The following PARK7 variants were observed in gnomAD, a reference collection of about 807,000 sequenced individuals.
The protein encoded by PARK7 is Parkinson disease protein 7.
In PARK7, 14 loss-of-function variants were observed where a neutral mutation model predicts 20.5. The ratio of observed to expected loss-of-function variants is 0.68; its 90% confidence interval spans 0.45 to 1.07. The LOEUF (loss-of-function observed/expected upper bound fraction) is 1.07. PARK7 is among the 50% of genes least tolerant of loss of function. PARK7 has a pLI of 0.00. For synonymous variants in PARK7, 98 were observed against 84.3 expected (o/e 1.16, Z -0.89); for missense variants, 234 against 238.1 (o/e 0.98, Z 0.11).
intron 5 of PARK7, among the ~76,000 whole-genome samples, chr1:7,973,511 C>T (rs1231955195): frequency 2.0e-5 from 3 of 152,154 alleles, no homozygotes; most frequent in Non-Finnish European, 4.4e-5. Context: ...GTCAGGAGTT[C>T]GAAACCAGCC....
chr1:7,983,527 C>G (rs1640754971), intron 6 of PARK7, among the ~76,000 whole-genome samples: 1 of 152,252 alleles, frequency 6.6e-6, no homozygotes, highest in African/African-American at 2.4e-5. Flanking sequence ...AGAGCAGGTT[C>G]CTTTCCATCT....
chr1:7,968,922 T>TTCTCCC (rs778067268), intron 3 of PARK7, among the ~76,000 whole-genome samples: 49 of 152,334 alleles, frequency 3.2e-4, no homozygotes, highest in Non-Finnish European at 6.2e-4. Flanking sequence ...CCTGTTCTCA[T>TTCTCCC]TCTCCCTCTG....
intron 5 of PARK7, among the ~76,000 whole-genome samples, chr1:7,974,384 C>T (rs899491274): frequency 1.3e-5 from 2 of 151,918 alleles, no homozygotes; most frequent in African/African-American, 2.4e-5. Flanking sequence ...AATCCCAGCA[C>T]TTTGGGAGGC....
chr1:7,979,151 G>A (rs568267321), intron 6 of PARK7, among the ~76,000 whole-genome samples: 6 of 152,254 alleles, frequency 3.9e-5, no homozygotes, highest in African/African-American at 1.2e-4. Flanking sequence ...ATGCCATAAT[G>A]ATCATCCTTG....
rs1193477280 is a variant in PARK7, at chr1:7,978,086, T to C, written c.409+348T>C. Among the ~76,000 whole-genome samples the C allele has an allele frequency of 2.2e-5, 3 of 134,406 alleles. No homozygotes were observed. In the East Asian group the frequency reaches 7.3e-4, roughly 33 times the overall value. 88.2% of individuals were successfully genotyped at this position (134,406 alleles called of 152,430 possible). On this transcript the variant is annotated intron_variant, in intron 6 of 6. Transcript: ENST00000338639. ...TTCTCTGCTCACTGCAACTTCCGCC[T>C]CCCGGGTTCAAGTGATTCTTCTGCC...
At chr1:7,969,445 G>T in intron 4 of PARK7, 41 bp downstream of exon 4, 6 of 987,288 alleles carry the variant, frequency 6.1e-6, no homozygotes, top group South Asian at 5.2e-5. Context: ...AAAGCTGGGG[G>T]GGGGGAAAAA....
At chr1:7,966,696 A>G (rs1444157546) in intron 3 of PARK7, among the ~76,000 whole-genome samples, 2 of 152,104 alleles carry the variant, frequency 1.3e-5, no homozygotes, top group Non-Finnish European at 2.9e-5. Flanking sequence ...AGCCTGGGTG[A>G]CAGAGCGAGA....
intron 6 of PARK7, among the ~76,000 whole-genome samples, chr1:7,983,271 G>A (rs74053413): frequency 0.02 from 2,986 of 152,318 alleles, 97 homozygotes; most frequent in African/African-American, 0.068. Context: ...AGAGCCACCC[G>A]CCTGCCTGCG....
intron 3 of PARK7, among the ~76,000 whole-genome samples, chr1:7,968,870 T>G (rs34124834): frequency 0.13 from 19,336 of 152,198 alleles, 1,586 homozygotes; most frequent in Non-Finnish European, 0.16. Context: ...TGAACAATAA[T>G]TCAAACAATA....
chr1:7,985,265 A>C lies in PARK7; in HGVS notation c.*211A>C, dbSNP rs746552212. 55 of 620,738 alleles carry C rather than the reference A, an allele frequency of 8.9e-5. No homozygotes were observed. The highest frequency in any genetic ancestry group is 1.4e-4 in the Non-Finnish European group (52 of 361,578). 38.5% of individuals were successfully genotyped at this position (620,738 alleles called of 1,614,324 possible). A position where few individuals can be genotyped will look rare whatever the true frequency, so the allele number is the denominator to read the frequency against. On this transcript the variant is annotated 3_prime_UTR_variant, in exon 7 of 7. Coordinates refer to ENST00000338639, the MANE Select transcript of PARK7 (RefSeq NM_007262.5). Reference sequence around the variant, plus strand: ...TCTAAGCCTTGTTTGCAGAATAAACAGGGCATTTAGCAAACTACTGATTGT... The same window carrying C: ...TCTAAGCCTTGTTTGCAGAATAAACCGGGCATTTAGCAAACTACTGATTGT...
At position 7,985,296 on chromosome 1, in the gene PARK7, G is replaced by T; in HGVS notation, c.*242G>T. ...TTTAGCAAACTACTGATTGTTTCTT[G>T]TTTTGTCTCTCATTTCTTTTGTGAA... On this transcript the variant is annotated 3_prime_UTR_variant, in exon 7 of 7. Transcript: ENST00000338639. 1 of 523,616 alleles carries T rather than the reference G, an allele frequency of 1.9e-6. No homozygotes were observed. The highest frequency in any genetic ancestry group is 3.4e-6 in the Non-Finnish European group (1 of 291,958). The allele number at this position is 523,616 out of a possible 1,614,324, so 32.4% of individuals were successfully genotyped here.
At chr1:7,969,318 T>A (rs374809065) in intron 3 of PARK7, 27 bp from the exon 4 acceptor site, 3 of 1,580,416 alleles carry the variant, frequency 1.9e-6, no homozygotes, top group Non-Finnish European at 2.6e-6. Context: ...AATGTTTTTG[T>A]TTTCTTTATG....
intron 6 of PARK7, among the ~76,000 whole-genome samples, chr1:7,979,302 C>T (rs1276695169): frequency 1.3e-5 from 2 of 152,146 alleles, no homozygotes; most frequent in African/African-American, 2.4e-5. Context: ...TTGACCCACT[C>T]GCCACTCCCC....
At chr1:7,978,617 G>A (rs1017388878) in intron 6 of PARK7, among the ~76,000 whole-genome samples, 6 of 104,808 alleles carry the variant, frequency 5.7e-5, no homozygotes, top group Admixed American at 9.9e-5. Flanking sequence ...GCTGAGGCGG[G>A]TGGATCGCTT....
chr1:7,964,819 G>A (rs1640291298), intron 2 of PARK7, among the ~76,000 whole-genome samples: 1 of 152,100 alleles, frequency 6.6e-6, no homozygotes, highest in Admixed American at 6.6e-5. Context: ...AATACCATGA[G>A]GTTTAAATGG....
intron 2 of PARK7, 145 bp from the exon 3 acceptor site, chr1:7,965,179 C>A: frequency 1.4e-6 from 1 of 708,790 alleles, no homozygotes; most frequent in Non-Finnish European, 2.4e-6. Flanking sequence ...GAGCTGGAGG[C>A]TGCAGTAAGC....
chr1:7,969,525 G>T, intron 4 of PARK7, 121 bp downstream of exon 4: 2 of 753,856 alleles, frequency 2.7e-6, no homozygotes, highest in Non-Finnish European at 4.4e-6. Flanking sequence ...GGAGGAGGCT[G>T]TGAAAAAAAA....
In PARK7 at chr1:7,970,900, G is replaced by T; in HGVS notation, c.259G>T (p.Ala87Ser). Residue 87 changes from alanine to serine, a missense_variant, in exon 5 of 7, where the codon GCT becomes TCT. By Grantham distance (99) the Ala-to-Ser change is moderately conservative. Coordinates refer to ENST00000338639, the MANE Select transcript of PARK7 (RefSeq NM_007262.5). ...LGAQNLSESA[A>S]VKEILKEQEN... Reference sequence around the variant, plus strand: ...TTGGTTTTCTTTTCACTAGTCTGCTGCTGTGAAGGAGATACTGAAGGAGCA... The same window carrying T: ...TTGGTTTTCTTTTCACTAGTCTGCTTCTGTGAAGGAGATACTGAAGGAGCA... The T allele has an allele frequency of 1.2e-6, 2 of 1,614,190 alleles. No individual in the cohort carries two copies. Among genetic ancestry groups the T allele is most frequent in the African/African-American group, 1.3e-5 (1 of 75,048 alleles).
chr1:7,973,438 T>A (rs1390159036), intron 5 of PARK7, among the ~76,000 whole-genome samples: 3 of 152,236 alleles, frequency 2.0e-5, no homozygotes, highest in African/African-American at 7.2e-5. Flanking sequence ...CTTATGATTC[T>A]GCTGAAAGTA....
Sources: allele counts gnomAD v4.1 joint callset (sites outside exome capture counted in the v4.1 genomes callset), GRCh38; gene constraint gnomAD v4.1.1; transcripts MANE v1.5; gene names NCBI Gene and HGNC (gene_info 2026-07-23, HGNC 2026-07-21).